The following AOAH variants were observed in gnomAD, a reference collection of about 807,000 sequenced individuals.
AOAH encodes acyloxyacyl hydrolase.
A neutral mutation model predicts 92.2 loss-of-function variants in AOAH; 64 were observed. That is an observed-to-expected ratio of 0.69 (90% CI 0.57 to 0.86). The LOEUF (loss-of-function observed/expected upper bound fraction) is 0.86, where lower values mean the gene tolerates loss of function less well. AOAH is among the 40% of genes least tolerant of loss of function. AOAH has a pLI of 0.00. For missense variants in AOAH, 656 were observed against 694.6 expected, an observed-to-expected ratio of 0.94 and a Z score of 0.62; for synonymous variants, 263 against 254.5, an observed-to-expected ratio of 1.03 and a Z score of -0.32.
chr7:36,563,897 G>T (rs1299645312), intron 13 of AOAH, among the ~76,000 whole-genome samples: 1 of 152,098 alleles, frequency 6.6e-6, no homozygotes, highest in Non-Finnish European at 1.5e-5. Context: ...AAAATAGTAG[G>T]CACTTAACAA....
At chr7:36,673,312 G>C (rs986714381) in intron 3 of AOAH, among the ~76,000 whole-genome samples, 1 of 152,170 alleles carries the variant, frequency 6.6e-6, no homozygotes, top group African/African-American at 2.4e-5. Flanking sequence ...GGCCAAGGTG[G>C]GTGGATCATG....
At chr7:36,518,831 T>C (rs1280271208) in intron 20 of AOAH, among the ~76,000 whole-genome samples, 1 of 152,200 alleles carries the variant, frequency 6.6e-6, no homozygotes, top group Non-Finnish European at 1.5e-5. Context: ...AATCACCCGA[T>C]GATCTGGAAT....
At chr7:36,578,313 A>C (rs935036317) in intron 12 of AOAH, among the ~76,000 whole-genome samples, 2 of 152,236 alleles carry the variant, frequency 1.3e-5, no homozygotes, top group Admixed American at 1.3e-4. Context: ...AAGGCCAATA[A>C]AAGAACTAAA....
intron 2 of AOAH, among the ~76,000 whole-genome samples, chr7:36,686,025 T>A (rs185987898): frequency 6.6e-6 from 1 of 152,052 alleles, no homozygotes; most frequent in Admixed American, 6.6e-5. Flanking sequence ...TCCCATTAAG[T>A]GAATAAAAAT....
chr7:36,721,581 C>T (rs2117047437), intron 1 of AOAH, among the ~76,000 whole-genome samples: 1 of 152,288 alleles, frequency 6.6e-6, no homozygotes, highest in African/African-American at 2.4e-5. Context: ...GCTATTATGA[C>T]AACAGGTGAA....
intron 1 of AOAH, among the ~76,000 whole-genome samples, chr7:36,719,356 C>A (rs1464109828): frequency 6.6e-6 from 1 of 152,144 alleles, no homozygotes; most frequent in African/African-American, 2.4e-5. Flanking sequence ...GAAGGTACAA[C>A]CCCCACGGAG....
chr7:36,698,711 C>A (rs960457201), intron 1 of AOAH, among the ~76,000 whole-genome samples: 1 of 152,062 alleles, frequency 6.6e-6, no homozygotes, highest in Non-Finnish European at 1.5e-5. Flanking sequence ...ATTTTCAGGG[C>A]ACCTGTGATT....
intron 4 of AOAH, among the ~76,000 whole-genome samples, chr7:36,653,236 A>G (rs1794687658): frequency 6.6e-6 from 1 of 152,192 alleles, no homozygotes; most frequent in Non-Finnish European, 1.5e-5. Flanking sequence ...GCAGAATGAA[A>G]TTTAGTGATT....
chr7:36,517,876 C>T (rs1228803080), intron 20 of AOAH, among the ~76,000 whole-genome samples: 1 of 151,872 alleles, frequency 6.6e-6, no homozygotes, highest in Non-Finnish European at 1.5e-5. Context: ...GCTAGGATTA[C>T]AGATGTGATC....
At position 36,513,647 on chromosome 7, in the gene AOAH, G is replaced by A. The variant is rs533137065; in HGVS notation, c.1600-267C>T. ...CTTGGCCTTGCTAGTGACTGGCTTC[G>A]GAGGCTCTCCTTTCTGGGCTGGAGC... On this transcript the variant is annotated intron_variant, in intron 20 of 20. Coordinates refer to ENST00000617537, the MANE Select transcript of AOAH (RefSeq NM_001637.4). 9.8e-5 allele frequency among the ~76,000 whole-genome samples: 15 copies of A among 152,310 alleles called. No individual in the cohort carries two copies. In the South Asian group the frequency reaches 1.9e-3, roughly 19 times the overall value.
rs149488709 is a variant in AOAH at position 36,631,350 on chromosome 7, CAA to C, written c.521+684_521+685del. Among the ~76,000 whole-genome samples, 86 of 131,686 alleles carry C rather than the reference CAA, an allele frequency of 6.5e-4. 1 individual carries two copies. Among genetic ancestry groups the C allele is most frequent in the African/African-American group, 2.0e-3 (68 of 34,424 alleles). 86.4% of individuals were successfully genotyped at this position (131,686 alleles called of 152,430 possible). ...CAACAAGAGCGACACTCCATCATCT[CAA>C]AAAAAAAAAAAAAGAAGTAGCTTAG... On this transcript the variant is annotated intron_variant, in intron 6 of 20. Transcript: ENST00000617537.
In AOAH at chr7:36,540,349, C is replaced by T. The variant is rs766043790; in HGVS notation, c.1276G>A (p.Asp426Asn). 4.2e-5 allele frequency: 68 copies of T among 1,612,724 alleles called. 1 individual carries two copies. The highest frequency in any genetic ancestry group is 5.6e-5 in the Non-Finnish European group (66 of 1,179,528). Residue 426 changes from aspartate to asparagine, a missense_variant, in exon 16 of 21, where the codon GAT (aspartate) becomes AAT (asparagine). Physicochemically the swap from Asp to Asn is conservative, Grantham distance 23. Coordinates refer to ENST00000617537, the MANE Select transcript of AOAH (RefSeq NM_001637.4). ...YGLPDGTFLW[D>N]NLHNRYHPLG... The stretch of plus-strand genomic sequence containing the variant: ...GGATGATATCTGTTGTGCAAATTAT[C>T]CCAGAGAAAGGTTCCATCTGGTAAG...
Position 36,580,757 on chromosome 7 carries a change from T to C in AOAH, c.939-4101A>G, listed in dbSNP as rs537475538. Reference sequence around the variant, plus strand: ...TGTGCTTGTTGACTACAGCCCTCACTGCAAGATGAGCTGTCTGGGCCTTTC... The same window carrying C: ...TGTGCTTGTTGACTACAGCCCTCACCGCAAGATGAGCTGTCTGGGCCTTTC... On this transcript the variant is annotated intron_variant, in intron 12 of 20. Coordinates refer to ENST00000617537, the MANE Select transcript of AOAH (RefSeq NM_001637.4). 2.6e-5 allele frequency among the ~76,000 whole-genome samples: 4 copies of C among 152,350 alleles called. No homozygotes were observed. The South Asian group carries it at 8.3e-4, about 32-fold the overall frequency.
At chr7:36,576,781 T>G in intron 12 of AOAH, 125 bp from the exon 13 acceptor site, 4 of 512,946 alleles carry the variant, frequency 7.8e-6, no homozygotes, top group Non-Finnish European at 1.0e-5. Flanking sequence ...ATCAAATCTC[T>G]GCTGACAAGT....
intron 13 of AOAH, among the ~76,000 whole-genome samples, chr7:36,568,580 G>A (rs1787877007): frequency 6.6e-6 from 1 of 152,134 alleles, no homozygotes; most frequent in South Asian, 2.1e-4. Flanking sequence ...ATCATCCAGA[G>A]GGAGTACTGA....
intron 16 of AOAH, among the ~76,000 whole-genome samples, chr7:36,538,822 CT>C (rs1361136705): frequency 2.6e-5 from 4 of 152,174 alleles, no homozygotes; most frequent in African/African-American, 9.7e-5. Context: ...ATATGCTCTA[CT>C]TAGGTGAGGC....
chr7:36,682,111 T>G (rs1796685408), intron 2 of AOAH, among the ~76,000 whole-genome samples: 1 of 152,212 alleles, frequency 6.6e-6, no homozygotes, highest in Non-Finnish European at 1.5e-5. Context: ...AATCAATAGC[T>G]GGTGAATGCA....
intron 20 of AOAH, among the ~76,000 whole-genome samples, chr7:36,515,367 CCA>C (rs1275219684): frequency 6.1e-5 from 6 of 99,010 alleles, no homozygotes; most frequent in East Asian, 3.7e-4. Context: ...CACACACACA[CCA>C]CACACACCAC....
At chr7:36,659,049 C>G (rs1472699140) in intron 4 of AOAH, 117 bp downstream of exon 4, 6 of 831,080 alleles carry the variant, frequency 7.2e-6, no homozygotes, top group Non-Finnish European at 1.2e-5. Flanking sequence ...AAAATGTCAT[C>G]TTGCCTCTCC....
Sources: allele counts gnomAD v4.1 joint callset (sites outside exome capture counted in the v4.1 genomes callset), GRCh38; gene constraint gnomAD v4.1.1; transcripts MANE v1.5; gene names NCBI Gene and HGNC (gene_info 2026-07-23, HGNC 2026-07-21).